CARF: variants seen among roughly 807,000 people sequenced by gnomAD.
CARF encodes the protein calcium-responsive transcription factor.
Under a neutral mutation model 82.0 loss-of-function variants are expected in CARF, and 57 were observed. That is an observed-to-expected ratio of 0.70 (90% CI 0.56 to 0.87). The LOEUF (loss-of-function observed/expected upper bound fraction) is 0.87, where lower values mean the gene tolerates loss of function less well. CARF is among the 40% of genes least tolerant of loss of function. CARF has a pLI of 0.00. For missense variants in CARF, 771 were observed against 855.8 expected (o/e 0.90, Z 1.24); for synonymous variants, 268 against 290.1 (o/e 0.92, Z 0.77).
At chr2:202,952,914 CCCAAATGA>C (rs1254185165) in intron 6 of CARF, among the ~76,000 whole-genome samples, 1 of 152,064 alleles carries the variant, frequency 6.6e-6, no homozygotes, top group Non-Finnish European at 1.5e-5. Context: ...CCTGCTTCCT[CCCAAATGA>C]CCAATGAGCA....
At chr2:202,983,444 C>T (rs1247384811) in intron 16 of CARF, 62 bp from the exon 17 acceptor site, 3 of 983,712 alleles carry the variant, frequency 3.0e-6, no homozygotes, top group Non-Finnish European at 4.7e-6. Context: ...AAATATTTTT[C>T]CCCTCTCTTC....
chr2:202,945,464 A>G (rs1312039704), intron 5 of CARF, among the ~76,000 whole-genome samples: 1 of 151,060 alleles, frequency 6.6e-6, no homozygotes, highest in Non-Finnish European at 1.5e-5. Flanking sequence ...TCTCCCTCCC[A>G]CCCTCCACTC....
rs1175838450 is a variant in CARF at position 202,985,615 on chromosome 2, G to C, written c.*1991G>C. The C allele has an allele frequency of 2.0e-5, 3 of 152,110 alleles. No homozygotes were observed. Among genetic ancestry groups the C allele is most frequent in the Admixed American group, 1.3e-4 (2 of 15,268 alleles). 9.4% of individuals were successfully genotyped at this position (152,110 alleles called of 1,614,324 possible). A position where few individuals can be genotyped will look rare whatever the true frequency, so the allele number is the denominator to read the frequency against. On this transcript the variant is annotated 3_prime_UTR_variant, in exon 17 of 17. Coordinates refer to ENST00000438828, the MANE Select transcript of CARF (RefSeq NM_024744.17). ...CTCAAATCCAGATTTCTCTTAATCT[G>C]TGTGTACATAAAAGGAATAAGTCCA...
At position 202,961,262 on chromosome 2, in the gene CARF, A is replaced by G; in HGVS notation, c.668A>G (p.Tyr223Cys). The G allele has an allele frequency of 3.7e-6, 6 of 1,609,698 alleles. No homozygotes were observed. The highest frequency in any genetic ancestry group is 5.1e-6 in the Non-Finnish European group (6 of 1,177,666). Residue 223 changes from tyrosine (Y) to cysteine (C), a missense_variant, in exon 9 of 17, where the codon TAC becomes TGC. Transcript: ENST00000438828. ...CEKIGDSYRGYCVSETELESV... is the reference protein window; with the variant it reads ...CEKIGDSYRGCCVSETELESV... ...AAAATTGGAGATTCATACCGTGGCT[A>G]CTGTGTAAGTGAGACTGAATTAGAA...
chr2:202,961,292 TC>T lies in CARF; in HGVS notation c.700del (p.Leu234Ter), dbSNP rs1203288859. The stretch of plus-strand genomic sequence containing the variant: ...GTAAGTGAGACTGAATTAGAAAGTG[TC>T]CTAACATTTCACAAGCAGCAAACAC... Reference protein sequence around the residue: ...YCVSETELESVLTFHKQQTQS... With the variant: ...YCVSETELESXLTFHKQQTQS... On this transcript the variant is annotated frameshift_variant, in exon 9 of 17. Coordinates refer to ENST00000438828, the MANE Select transcript of CARF (RefSeq NM_024744.17). LOFTEE classifies it high-confidence loss of function. 6.2e-7 allele frequency: 1 copy of T among 1,614,012 alleles called. No homozygotes were observed.
intron 1 of CARF, among the ~76,000 whole-genome samples, chr2:202,913,837 C>T (rs1279718927): frequency 6.6e-6 from 1 of 152,110 alleles, no homozygotes; most frequent in African/African-American, 2.4e-5. Flanking sequence ...CAGTACCTGA[C>T]AGTAGAGTTT....
chr2:202,969,352 G>A (rs1454941842), intron 10 of CARF, among the ~76,000 whole-genome samples: 2 of 151,996 alleles, frequency 1.3e-5, no homozygotes, highest in African/African-American at 4.8e-5. Flanking sequence ...GAGGTGGGTG[G>A]ATCACCTGAG....
At chr2:202,924,044 A>G (rs1312121860) in intron 2 of CARF, among the ~76,000 whole-genome samples, 3 of 152,228 alleles carry the variant, frequency 2.0e-5, no homozygotes, top group Admixed American at 6.5e-5. Context: ...AATGCTGATC[A>G]GCATCTTTTG....
intron 7 of CARF, among the ~76,000 whole-genome samples, chr2:202,955,074 A>G (rs2058973723): frequency 6.6e-6 from 1 of 151,664 alleles, no homozygotes; most frequent in African/African-American, 2.4e-5. Flanking sequence ...TCACATTTTT[A>G]TGCATAGAAT....
intron 3 of CARF, among the ~76,000 whole-genome samples, chr2:202,928,031 G>A (rs890537230): frequency 2.0e-5 from 3 of 152,028 alleles, no homozygotes; most frequent in African/African-American, 7.2e-5. Flanking sequence ...CTGGGGTCAA[G>A]CTTGACCTCC....
chr2:202,918,553 AC>A (rs1690186037), intron 2 of CARF, among the ~76,000 whole-genome samples: 1 of 152,126 alleles, frequency 6.6e-6, no homozygotes, highest in Admixed American at 6.6e-5. Context: ...AACAAAAAAA[AC>A]AAAAAAAAAC....
At position 202,986,908 on chromosome 2, in the gene CARF, A is replaced by ATATG. The variant is rs2060470440; in HGVS notation, c.*3284_*3285insTATG. Reference sequence around the variant, plus strand: ...TATATATATATATATATATATATATAGCAACTTGATGTATAGTGTCCTTGT... The same window carrying ATATG: ...TATATATATATATATATATATATATATATGGCAACTTGATGTATAGTGTCCTTGT... On this transcript the variant is annotated 3_prime_UTR_variant, in exon 17 of 17. Transcript: ENST00000438828. 2 of 136,328 alleles carry ATATG rather than the reference A, an allele frequency of 1.5e-5. No individual in the cohort carries two copies. The highest frequency in any genetic ancestry group is 1.5e-4 in the Admixed American group (2 of 13,196). 8.4% of individuals were successfully genotyped at this position (136,328 alleles called of 1,614,324 possible). A position where few individuals can be genotyped will look rare whatever the true frequency, so the allele number is the denominator to read the frequency against.
At chr2:202,922,609 C>A (rs928138687) in intron 2 of CARF, among the ~76,000 whole-genome samples, 38 of 151,994 alleles carry the variant, frequency 2.5e-4, no homozygotes, top group Admixed American at 2.5e-3. Context: ...TTCAGACAAG[C>A]CTGGTCAACA....
chr2:202,943,891 C>T (rs903723359), intron 5 of CARF, among the ~76,000 whole-genome samples: 14 of 152,006 alleles, frequency 9.2e-5, no homozygotes, highest in Non-Finnish European at 1.8e-4. Context: ...CGTTATCCAC[C>T]CACCTCAGCC....
At chr2:202,927,024 G>A (rs574516151) in intron 3 of CARF, among the ~76,000 whole-genome samples, 1 of 151,966 alleles carries the variant, frequency 6.6e-6, no homozygotes, top group Non-Finnish European at 1.5e-5. Context: ...CATGTTGCCC[G>A]TGGCTGGTCT....
At chr2:202,958,439 A>G (rs1358482702) in intron 8 of CARF, among the ~76,000 whole-genome samples, 1 of 152,094 alleles carries the variant, frequency 6.6e-6, no homozygotes, top group Non-Finnish European at 1.5e-5. Flanking sequence ...CAATCATGCA[A>G]CCAAATCACC....
chr2:202,927,996 G>T (rs1160019553), intron 3 of CARF, among the ~76,000 whole-genome samples: 1 of 151,816 alleles, frequency 6.6e-6, no homozygotes, highest in African/African-American at 2.4e-5. Flanking sequence ...GTAGAGATGG[G>T]GTCTCACTAT....
Position 202,986,877 on chromosome 2 carries a change from T to TATATATATAC in CARF, c.*3262_*3263insCATATATATA, listed in dbSNP as rs1553584501. On this transcript the variant is annotated 3_prime_UTR_variant, in exon 17 of 17. Transcript: ENST00000438828. ...TAAAAAATGTCTGTGCGTATATATA[T>TATATATATAC]ATATATATATATATATATATATATA... 774 of 112,294 alleles carry TATATATATAC rather than the reference T, an allele frequency of 6.9e-3. 24 individuals are homozygous for TATATATATAC. The highest frequency in any genetic ancestry group is 0.023 in the African/African-American group (745 of 32,456). The allele number at this position is 112,294 out of a possible 1,614,324, so 7.0% of individuals were successfully genotyped here. A position where few individuals can be genotyped will look rare whatever the true frequency, so the allele number is the denominator to read the frequency against.
At position 202,986,877 on chromosome 2, in the gene CARF, T is replaced by C. The variant is rs1307415924; in HGVS notation, c.*3253T>C. On this transcript the variant is annotated 3_prime_UTR_variant, in exon 17 of 17. Transcript: ENST00000438828. ...TAAAAAATGTCTGTGCGTATATATA[T>C]ATATATATATATATATATATATATA... is the stretch of plus-strand genomic sequence containing the variant. 3.6e-5 allele frequency: 4 copies of C among 112,306 alleles called. No individual in the cohort carries two copies. The highest frequency in any genetic ancestry group is 2.3e-4 in the East Asian group (1 of 4,306). The allele number at this position is 112,306 out of a possible 1,614,324, so 7.0% of individuals were successfully genotyped here.
Sources: gnomAD v4.1 joint callset for allele counts (sites outside exome capture counted in the v4.1 genomes callset) on GRCh38, gnomAD v4.1.1 for gene constraint, MANE v1.5 for transcripts, NCBI Gene and HGNC (gene_info 2026-07-23, HGNC 2026-07-21) for gene names.